Variants in C5orf58 observed in about 807,000 individuals in gnomAD.
C5orf58 encodes chromosome 5 open reading frame 58.
Under a neutral mutation model 2.9 loss-of-function variants are expected in C5orf58, and 2 were observed. The ratio of observed to expected loss-of-function variants is 0.69; its 90% CI spans 0.28 to 2.18. C5orf58 has a LOEUF of 2.18. Among genes scored for constraint, C5orf58 ranks in the 30% most tolerant of loss-of-function variants. C5orf58 has a pLI of 0.13. For missense variants in C5orf58, 96 were observed against 91.7 expected (o/e 1.05, Z -0.19); for synonymous variants, 37 against 33.4 (o/e 1.11, Z -0.37).
chr5:170,234,728 C>T (rs942579116), intron 2 of C5orf58, among the ~76,000 whole-genome samples: 2 of 152,190 alleles, frequency 1.3e-5, no homozygotes, highest in African/African-American at 4.8e-5. Context: ...ATTGTAAGCC[C>T]TATCTTGTGG....
chr5:170,238,054 A>G (rs561949710), intron 3 of C5orf58, among the ~76,000 whole-genome samples: 73 of 152,272 alleles, frequency 4.8e-4, no homozygotes, highest in African/African-American at 1.7e-3. Flanking sequence ...AACACCCCAC[A>G]TTATTGAGTA....
exon 3 of C5orf58, chr5:170,252,188 C>G (rs1761459878): frequency 3.0e-6 from 1 of 329,106 alleles, no homozygotes; most frequent in Non-Finnish European, 5.7e-6. Context: ...AATAAAATCT[C>G]CTAAGATGCT....
At chr5:170,252,471 C>A, downstream of C5orf58, 2 of 1,588,456 alleles carry the variant, frequency 1.3e-6, no homozygotes, top group South Asian at 2.2e-5. Context: ...TGCCTCTGGT[C>A]GGGTAATATA....
intron 3 of C5orf58, among the ~76,000 whole-genome samples, chr5:170,244,879 T>C (rs1037210149): frequency 1.3e-5 from 2 of 152,092 alleles, no homozygotes; most frequent in Non-Finnish European, 2.9e-5. Flanking sequence ...TTTCCAGTTT[T>C]TCTGTTCTGT....
At chr5:170,251,535 T>G (rs1265325353) in intron 2 of C5orf58, 1 of 385,018 alleles carries the variant, frequency 2.6e-6, no homozygotes, top group African/African-American at 2.1e-5. Context: ...TAAAATAGAA[T>G]TAATTGGTAA....
At chr5:170,248,913 C>A, downstream of C5orf58, 1 of 1,236,960 alleles carries the variant, frequency 8.1e-7, no homozygotes, top group Non-Finnish European at 1.2e-6. Context: ...TATGCTGCCT[C>A]TTCAAGTGAT....
At chr5:170,238,266 G>A (rs1760825812) in intron 3 of C5orf58, among the ~76,000 whole-genome samples, 1 of 152,110 alleles carries the variant, frequency 6.6e-6, no homozygotes, top group South Asian at 2.1e-4. Flanking sequence ...AGAAGATACT[G>A]TATCCATGAA....
chr5:170,245,382 C>T (rs1302349026), intron 3 of C5orf58, among the ~76,000 whole-genome samples: 20 of 152,312 alleles, frequency 1.3e-4, no homozygotes, highest in Admixed American at 1.0e-3. Flanking sequence ...CTCGCTGCTG[C>T]CTTGCAGTTT....
At position 170,240,006 on chromosome 5, in the gene C5orf58, A is replaced by G. The variant is rs1012615297; in HGVS notation, c.94+4936A>G. Reference sequence around the variant, plus strand: ...TGATCTCATTGTTCAATTCCCACCTATAAGTGAGAATATGCGGTGTTTGGT... The same window carrying G: ...TGATCTCATTGTTCAATTCCCACCTGTAAGTGAGAATATGCGGTGTTTGGT... On this transcript the variant is annotated intron_variant, in intron 3 of 3. Coordinates refer to ENST00000593851, the MANE Select transcript of C5orf58 (RefSeq NM_001102609.3). Among the ~76,000 whole-genome samples, 117 of 148,128 alleles carry G rather than the reference A, an allele frequency of 7.9e-4. 1 individual carries two copies. The highest frequency in any genetic ancestry group is 2.8e-3 in the African/African-American group (113 of 39,928).
downstream of C5orf58, chr5:170,247,791 G>C (rs1761331765): frequency 6.6e-6 from 1 of 152,192 alleles, no homozygotes; most frequent in Admixed American, 6.5e-5. Flanking sequence ...CTAAAGTGTT[G>C]CTCCCTCGTC....
In C5orf58 at chr5:170,251,956, G is replaced by A. The variant is rs543072576; in HGVS notation, c.*301G>A. The A allele has an allele frequency of 7.4e-4, 184 of 247,524 alleles. 1 individual carries two copies. Among genetic ancestry groups the A allele is most frequent in the African/African-American group, 3.6e-3 (165 of 45,538 alleles). The allele number at this position is 247,524 out of a possible 1,614,324, so 15.3% of individuals were successfully genotyped here. ...AAGGTAAAGTTTCGGCACTGGCTAC[G>A]GGAAATATGTTTAAGACTTTATGAT... On this transcript the variant is annotated 3_prime_UTR_variant, in exon 3 of 3. Coordinates refer to the C5orf58 transcript ENST00000517575.
intron 3 of C5orf58, chr5:170,237,162 G>C (rs1760778260): frequency 2.5e-6 from 1 of 396,992 alleles, no homozygotes; most frequent in Admixed American, 4.4e-5. Context: ...GGTAGGTCAG[G>C]CAGTTAGACT....
At chr5:170,245,665 C>G (rs905818174) in intron 3 of C5orf58, among the ~76,000 whole-genome samples, 5 of 152,246 alleles carry the variant, frequency 3.3e-5, no homozygotes, top group African/African-American at 1.2e-4. Flanking sequence ...GACCTGCGCC[C>G]ACTGTCTGGC....
chr5:170,249,207 C>T (rs1475052685), downstream of C5orf58, among the ~76,000 whole-genome samples: 1 of 151,866 alleles, frequency 6.6e-6, no homozygotes, highest in African/African-American at 2.4e-5. Context: ...CGCCTGTAAT[C>T]CCAGCTGCTT....
intron 3 of C5orf58, among the ~76,000 whole-genome samples, chr5:170,236,383 T>C (rs1760741693): frequency 6.6e-6 from 1 of 152,220 alleles, no homozygotes; most frequent in African/African-American, 2.4e-5. Flanking sequence ...AATGTTCTTA[T>C]GGCCAAATAA....
At position 170,235,080 on chromosome 5, in the gene C5orf58, G is replaced by T; in HGVS notation, c.94+10G>T. 1 of 1,288,276 alleles carries T rather than the reference G, an allele frequency of 7.8e-7. No individual in the cohort carries two copies. Among genetic ancestry groups the T allele is most frequent in the Non-Finnish European group, 1.1e-6 (1 of 909,462 alleles). The allele number at this position is 1,288,276 out of a possible 1,614,324, so 79.8% of individuals were successfully genotyped here. On this transcript the variant is annotated intron_variant, in intron 3 of 3. Transcript: ENST00000593851. ...TTGAAGAAGATAAAAGGTAAGTATT[G>T]AATCACTAAAATGTTTGCATGTCAT...
At chr5:170,248,831 A>C, downstream of C5orf58, 1 of 1,611,352 alleles carries the variant, frequency 6.2e-7, no homozygotes, top group Non-Finnish European at 8.5e-7. Context: ...TGAAAGAGTC[A>C]AGATAGGGAG....
chr5:170,251,209 A>G, downstream of C5orf58: 1 of 230,356 alleles, frequency 4.3e-6, no homozygotes, highest in Middle Eastern at 1.6e-3. Context: ...ATAAAAGGCC[A>G]GGAGAAATAA....
intron 3 of C5orf58, among the ~76,000 whole-genome samples, chr5:170,243,941 A>C (rs143061777): frequency 8.1e-6 from 1 of 123,658 alleles, no homozygotes; most frequent in South Asian, 2.8e-4. Flanking sequence ...CATGTTTAGC[A>C]CTTCCTTCAG....
Sources: allele counts gnomAD v4.1 joint callset (sites outside exome capture counted in the v4.1 genomes callset), GRCh38; gene constraint gnomAD v4.1.1; transcripts MANE v1.5; gene names NCBI Gene and HGNC (gene_info 2026-07-23, HGNC 2026-07-21).